The following EMID1 variants were observed in gnomAD, a reference collection of about 807,000 sequenced individuals.
The protein encoded by EMID1 is EMI domain-containing protein 1.
EMID1 carries 40 observed loss-of-function variants against 60.6 expected under a neutral mutation model. The ratio of observed to expected loss-of-function variants is 0.66; its 90% CI spans 0.51 to 0.86. EMID1 has a LOEUF of 0.86. Among genes scored for constraint, EMID1 ranks in the 40% least tolerant of loss-of-function variants. The probability of loss-of-function intolerance (pLI) is 0.00; values close to 1 mark genes in which losing one functional copy is unlikely to be tolerated. For synonymous variants in EMID1, 242 were observed against 231.0 expected (o/e 1.05, Z -0.43); for missense variants, 585 against 597.1 (o/e 0.98, Z 0.21).
intron 3 of EMID1, among the ~76,000 whole-genome samples, chr22:29,218,315 G>T (rs1474676857): frequency 6.6e-6 from 1 of 152,226 alleles, no homozygotes; most frequent in African/African-American, 2.4e-5. Context: ...AGGACTTCAC[G>T]GCACTGGGCC....
At chr22:29,212,107 T>C (rs1334531841) in intron 1 of EMID1, among the ~76,000 whole-genome samples, 1 of 152,132 alleles carries the variant, frequency 6.6e-6, no homozygotes, top group Non-Finnish European at 1.5e-5. Context: ...TGCTTCAGCC[T>C]CCTAAGTAGC....
At chr22:29,249,849 AGTTGATCTGCCC>A (rs1423226760) in intron 13 of EMID1, among the ~76,000 whole-genome samples, 1 of 152,128 alleles carries the variant, frequency 6.6e-6, no homozygotes, top group Middle Eastern at 3.4e-3. Context: ...TCCTGATCTC[AGTTGATCTGCCC>A]GCCTCAGCCT....
At chr22:29,253,356 G>T (rs571478813) in intron 13 of EMID1, among the ~76,000 whole-genome samples, 30 of 152,346 alleles carry the variant, frequency 2.0e-4, no homozygotes, top group African/African-American at 7.2e-4. Context: ...ACCGAGGCGG[G>T]CAGATCACCT....
chr22:29,224,816 C>T (rs2040437264), intron 3 of EMID1, among the ~76,000 whole-genome samples: 1 of 152,204 alleles, frequency 6.6e-6, no homozygotes, highest in South Asian at 2.1e-4. Flanking sequence ...CAGTAAGTGT[C>T]AGGGCTCGGA....
At chr22:29,247,908 G>A (rs1358576035) in intron 13 of EMID1, among the ~76,000 whole-genome samples, 1 of 151,456 alleles carries the variant, frequency 6.6e-6, no homozygotes, top group Non-Finnish European at 1.5e-5. Context: ...TGGAATTACA[G>A]GCGTGAGCCA....
At chr22:29,229,386 G>A (rs1348049946) in intron 5 of EMID1, among the ~76,000 whole-genome samples, 1 of 152,148 alleles carries the variant, frequency 6.6e-6, no homozygotes, top group Non-Finnish European at 1.5e-5. Flanking sequence ...GCTCATGCCT[G>A]TAATCCCAGC....
rs564349787 is a variant in EMID1 at position 29,211,315 on chromosome 22, C to T, written c.102-3611C>T. ...GACGGTCATTTCTGTGATTAAGTGTCCTGCTGGATTTGCCTTAGCCTGTCT... is the reference window on the plus strand; with the variant it reads ...GACGGTCATTTCTGTGATTAAGTGTTCTGCTGGATTTGCCTTAGCCTGTCT... On this transcript the variant is annotated intron_variant, in intron 1 of 14. Transcript: ENST00000334018. 2.0e-5 allele frequency among the ~76,000 whole-genome samples: 3 copies of T among 152,294 alleles called. No homozygotes were observed. In the East Asian group the frequency reaches 5.8e-4, roughly 29 times the overall value.
Position 29,239,226 on chromosome 22 carries a change from G to A in EMID1, c.1075-4219G>A. 1.4e-5 allele frequency among the ~76,000 whole-genome samples: 2 copies of A among 144,236 alleles called. 1 individual carries two copies. The highest frequency in any genetic ancestry group is 3.0e-5 in the Non-Finnish European group (2 of 67,084). 94.6% of individuals were successfully genotyped at this position (144,236 alleles called of 152,430 possible). A position where few individuals can be genotyped will look rare whatever the true frequency, so the allele number is the denominator to read the frequency against. ...CCCATCAATGGCATTCTTTATTTCTGTTACAGTGCTTTTTATATCTACCAC... is the reference window on the plus strand; with the variant it reads ...CCCATCAATGGCATTCTTTATTTCTATTACAGTGCTTTTTATATCTACCAC... On this transcript the variant is annotated intron_variant, in intron 12 of 14. Transcript: ENST00000334018.
At chr22:29,252,231 C>T (rs556142942) in intron 13 of EMID1, among the ~76,000 whole-genome samples, 2 of 152,314 alleles carry the variant, frequency 1.3e-5, no homozygotes, top group East Asian at 1.9e-4. Flanking sequence ...GAGGGTCACC[C>T]GATCCATGTG....
In EMID1 at chr22:29,234,139, AC is replaced by A; in HGVS notation, c.974del (p.Pro325GlnfsTer60). On this transcript the variant is annotated frameshift_variant, in exon 11 of 15. Transcript: ENST00000334018. LOFTEE classifies it high-confidence loss of function. ...GVPGSPGHIG[P>X]PGPTGPKGIS... ...TGAGGCCCTGTCTTGTTGCTCAGGG[AC>A]CCCCAGGCCCCACTGGACCCAAAGG... 6.3e-7 allele frequency: 1 copy of A among 1,586,786 alleles called. No individual in the cohort carries two copies. The highest frequency in any genetic ancestry group is 8.6e-7 in the Non-Finnish European group (1 of 1,165,922).
intron 14 of EMID1, among the ~76,000 whole-genome samples, chr22:29,256,123 A>C (rs2041697216): frequency 6.6e-6 from 1 of 152,138 alleles, no homozygotes; most frequent in Non-Finnish European, 1.5e-5. Context: ...CTCGCAGCCC[A>C]GTGAGCACAT....
intron 3 of EMID1, among the ~76,000 whole-genome samples, chr22:29,221,105 G>A (rs2040278026): frequency 8.2e-6 from 1 of 122,652 alleles, no homozygotes; most frequent in African/African-American, 3.0e-5. Context: ...GTGTGTGTGT[G>A]TGTGTGTGTG....
At chr22:29,224,207 G>A (rs1207800764) in intron 3 of EMID1, among the ~76,000 whole-genome samples, 3 of 152,214 alleles carry the variant, frequency 2.0e-5, no homozygotes, top group Admixed American at 6.5e-5. Context: ...AGTTCCCGGC[G>A]CCTCTCGCTC....
intron 13 of EMID1, among the ~76,000 whole-genome samples, chr22:29,244,654 AAAG>A (rs2041267294): frequency 2.6e-5 from 4 of 151,470 alleles, no homozygotes; most frequent in African/African-American, 4.8e-5. Context: ...AAAAAAAAGA[AAAG>A]AAAAGAAAAT....
rs2040030957 is a variant in EMID1, at chr22:29,215,012, C to T, written c.188C>T (p.Pro63Leu). Residue 63 changes from proline (P) to leucine (L), a missense_variant, in exon 2 of 15, where the codon CCC (proline) becomes CTC (leucine). Pro to Leu is a moderately conservative substitution (Grantham distance 98). Transcript: ENST00000334018. The part of the protein sequence containing the change: ...TYLQRVLQNC[P>L]WPMSCPGSSY... The stretch of plus-strand genomic sequence containing the variant: ...CTTCAGCGAGTGCTGCAGAACTGCC[C>T]CTGGCCCATGAGCTGTCCGGGGAGC... 1.3e-6 allele frequency: 2 copies of T among 1,549,620 alleles called. No individual in the cohort carries two copies. The highest frequency in any genetic ancestry group is 1.4e-5 in the African/African-American group (1 of 73,304).
intron 10 of EMID1, 144 bp downstream of exon 10, chr22:29,233,810 T>C: frequency 6.0e-6 from 5 of 831,266 alleles, no homozygotes; most frequent in Non-Finnish European, 9.3e-6. Flanking sequence ...TCAACAAGTA[T>C]TTATTGAGCA....
At chr22:29,237,543 A>C (rs2040999265) in intron 12 of EMID1, among the ~76,000 whole-genome samples, 1 of 143,720 alleles carries the variant, frequency 7.0e-6, no homozygotes, top group Non-Finnish European at 1.5e-5. Flanking sequence ...TCACGCCTAT[A>C]ATCCCAGCAC....
rs2040781996 is a variant in EMID1 at position 29,232,351 on chromosome 22, C to A, written c.772C>A (p.Pro258Thr). ...TGGGCCACCAGGGCCTCCTGGCCCC[C>A]CTGGGCCCCCAGCCCCTGTTGGGCC... The part of the protein sequence containing the change: ...PPGPPGPPGP[P>T]GPPAPVGPPH... Residue 258 changes from proline to threonine, a missense_variant, in exon 8 of 15, where the codon CCT becomes ACT. Coordinates refer to ENST00000334018, the MANE Select transcript of EMID1 (RefSeq NM_133455.4). The A allele has an allele frequency of 6.2e-7, 1 of 1,606,034 alleles. No homozygotes were observed. Among genetic ancestry groups the A allele is most frequent in the African/African-American group, 1.3e-5 (1 of 74,776 alleles).
intron 13 of EMID1, among the ~76,000 whole-genome samples, chr22:29,248,021 G>A (rs1178560227): frequency 3.4e-5 from 5 of 148,960 alleles, no homozygotes; most frequent in African/African-American, 9.9e-5. Flanking sequence ...GCTTGATCTC[G>A]GCTCACTGCA....
Sources: allele counts gnomAD v4.1 joint callset (sites outside exome capture counted in the v4.1 genomes callset), GRCh38; gene constraint gnomAD v4.1.1; transcripts MANE v1.5; gene names NCBI Gene and HGNC (gene_info 2026-07-23, HGNC 2026-07-21).